NAV3: variants seen among roughly 807,000 people sequenced by gnomAD.
The protein encoded by NAV3 is neuron navigator 3, also known as pore membrane and/or filament interacting like protein 1.
NAV3 carries 87 observed loss-of-function variants against 244.7 expected under a neutral mutation model. The observed-to-expected ratio is 0.36, with a 90% confidence interval of 0.30 to 0.42. NAV3 has a LOEUF of 0.42. NAV3 is among the 20% of genes least tolerant of loss of function. NAV3 has a pLI of 1.00. For missense variants in NAV3, 2,663 were observed against 2,893.3 expected (o/e 0.92, Z 1.83); for synonymous variants, 1,126 against 1,042.2 (o/e 1.08, Z -1.55).
intron 2 of NAV3, among the ~76,000 whole-genome samples, chr12:77,686,934 CAT>C (rs773057726): frequency 6.6e-6 from 1 of 151,882 alleles, no homozygotes; most frequent in Admixed American, 6.6e-5. Flanking sequence ...CAAGCCTAAA[CAT>C]GTGTGCATGT....
At chr12:77,895,609 A>C (rs758707171) in intron 1 of NAV3, among the ~76,000 whole-genome samples, 23 of 147,886 alleles carry the variant, frequency 1.6e-4, no homozygotes, top group Non-Finnish European at 2.9e-4. Flanking sequence ...GCTATGTATA[A>C]AACATGCTAA....
chr12:77,669,365 A>C (rs1873860159), intron 2 of NAV3, among the ~76,000 whole-genome samples: 1 of 152,168 alleles, frequency 6.6e-6, no homozygotes. Flanking sequence ...ACTAACATTG[A>C]ATGTAAGTGG....
At chr12:78,155,325 C>T (rs920301791) in intron 22 of NAV3, among the ~76,000 whole-genome samples, 10 of 152,212 alleles carry the variant, frequency 6.6e-5, no homozygotes, top group Admixed American at 4.6e-4. Flanking sequence ...CTTCCAGCTC[C>T]ATCCATGTCC....
intron 8 of NAV3, among the ~76,000 whole-genome samples, chr12:78,021,168 C>T (rs996255539): frequency 2.0e-5 from 3 of 152,008 alleles, no homozygotes; most frequent in African/African-American, 4.8e-5. Context: ...CAAATACATA[C>T]CCATGTACAT....
intron 9 of NAV3, among the ~76,000 whole-genome samples, chr12:78,031,267 T>A (rs1878933779): frequency 6.6e-6 from 1 of 152,214 alleles, no homozygotes; most frequent in Non-Finnish European, 1.5e-5. Context: ...TAAGCCTACC[T>A]GGAAGTACTG....
At chr12:77,765,082 C>T (rs1421681250) in intron 2 of NAV3, among the ~76,000 whole-genome samples, 3 of 152,238 alleles carry the variant, frequency 2.0e-5, no homozygotes, top group African/African-American at 4.8e-5. Flanking sequence ...AAATCCTGAT[C>T]TTTTCAACTT....
intron 7 of NAV3, among the ~76,000 whole-genome samples, chr12:78,005,314 TA>T (rs1047088827): frequency 6.6e-6 from 1 of 152,182 alleles, no homozygotes; most frequent in African/African-American, 2.4e-5. Context: ...GAAAGTTCAG[TA>T]AAAAATGTTA....
chr12:77,573,707 G>A (rs1331726916), intron 2 of NAV3, among the ~76,000 whole-genome samples: 1 of 152,076 alleles, frequency 6.6e-6, no homozygotes, highest in African/African-American at 2.4e-5. Context: ...TAACTCTGAT[G>A]GTAATTTGGG....
At chr12:77,894,507 A>G (rs1884338183) in intron 1 of NAV3, among the ~76,000 whole-genome samples, 1 of 152,176 alleles carries the variant, frequency 6.6e-6, no homozygotes, top group Non-Finnish European at 1.5e-5. Flanking sequence ...TAATAACAAC[A>G]TGAGAGAGAA....
chr12:77,658,741 G>A (rs1043172454), intron 2 of NAV3, among the ~76,000 whole-genome samples: 15 of 151,920 alleles, frequency 9.9e-5, no homozygotes, highest in Non-Finnish European at 1.9e-4. Context: ...AAACAGCATG[G>A]TACTGGTAGC....
At chr12:77,681,545 C>T (rs1210735705) in intron 2 of NAV3, among the ~76,000 whole-genome samples, 2 of 152,162 alleles carry the variant, frequency 1.3e-5, no homozygotes, top group African/African-American at 4.8e-5. Flanking sequence ...GAAACATCTC[C>T]ATGTCAGCAA....
chr12:78,189,101 AGT>A (rs1276043728), intron 33 of NAV3, among the ~76,000 whole-genome samples: 1 of 151,902 alleles, frequency 6.6e-6, no homozygotes, highest in Non-Finnish European at 1.5e-5. Flanking sequence ...CAAAACATTT[AGT>A]GTGTATTCCA....
chr12:78,133,413 ACTTAC>A (rs1229297837), intron 18 of NAV3, among the ~76,000 whole-genome samples: 1 of 151,054 alleles, frequency 6.6e-6, no homozygotes, highest in Non-Finnish European at 1.5e-5. Flanking sequence ...ATATATATAT[ACTTAC>A]CTTAAATATG....
intron 1 of NAV3, among the ~76,000 whole-genome samples, chr12:77,892,694 C>T (rs746452893): frequency 2.0e-5 from 3 of 152,130 alleles, no homozygotes; most frequent in Non-Finnish European, 2.9e-5. Flanking sequence ...GGATTACAGG[C>T]GTGAGCCACT....
At chr12:77,777,593 T>A (rs1400113769) in intron 2 of NAV3, among the ~76,000 whole-genome samples, 1 of 152,172 alleles carries the variant, frequency 6.6e-6, no homozygotes, top group Non-Finnish European at 1.5e-5. Context: ...ATTTTCTGTT[T>A]AAGATTTTTG....
At chr12:77,824,241 A>ATTTTTTTTT (rs61710960) in intron 2 of NAV3, among the ~76,000 whole-genome samples, 1,687 of 104,754 alleles carry the variant, frequency 0.016, no homozygotes, top group Non-Finnish European at 0.02. Context: ...GCCCAACTAA[A>ATTTTTTTTT]TTTTTTTTTT....
chr12:77,965,480 G>T (rs950962027), intron 3 of NAV3, among the ~76,000 whole-genome samples: 19 of 152,092 alleles, frequency 1.2e-4, no homozygotes, highest in African/African-American at 4.3e-4. Context: ...TTAGCGGGGC[G>T]TGGTGGCGTG....
intron 12 of NAV3, among the ~76,000 whole-genome samples, chr12:78,064,425 G>GCC (rs1374787028): frequency 0.011 from 1,665 of 146,622 alleles, 14 homozygotes; most frequent in African/African-American, 0.029. Context: ...CTGTCTGTCT[G>GCC]TCTGCCTGCC....
chr12:77,702,758 A>G (rs1039517509), intron 2 of NAV3, among the ~76,000 whole-genome samples: 5 of 151,990 alleles, frequency 3.3e-5, no homozygotes, highest in African/African-American at 1.2e-4. Flanking sequence ...AAATTCCACT[A>G]TACAATATTA....
Sources: allele counts gnomAD v4.1 joint callset (sites outside exome capture counted in the v4.1 genomes callset), GRCh38; gene constraint gnomAD v4.1.1; transcripts MANE v1.5; gene names NCBI Gene and HGNC (gene_info 2026-07-23, HGNC 2026-07-21).